PRR16: variants seen among roughly 807,000 people sequenced by gnomAD.
PRR16 encodes proline rich 16.
A neutral mutation model predicts 18.2 loss-of-function variants in PRR16; 6 were observed. The ratio of observed to expected loss-of-function variants is 0.33; its 90% CI spans 0.18 to 0.65. The LOEUF (loss-of-function observed/expected upper bound fraction) is 0.65. Ranked by LOEUF, PRR16 falls within the 30% of genes least tolerant of loss-of-function variation. The pLI is 0.74. For synonymous variants in PRR16, 151 were observed against 147.8 expected (o/e 1.02, Z -0.16); for missense variants, 412 against 376.6 (o/e 1.09, Z -0.78).
chr5:120,777,215 C>G, the PRR16 span, among the ~76,000 whole-genome samples: 2 of 151,946 alleles, frequency 1.3e-5, no homozygotes, highest in Admixed American at 1.3e-4. Context: ...TGAAAATAAC[C>G]AAATGAGTTT....
At chr5:120,655,614 G>A (rs943875525) in intron 1 of PRR16, among the ~76,000 whole-genome samples, 7 of 151,862 alleles carry the variant, frequency 4.6e-5, no homozygotes, top group East Asian at 1.9e-4. Flanking sequence ...GAAAACTCAC[G>A]GATATGGTCT....
chr5:120,746,878 T>C, the PRR16 span, among the ~76,000 whole-genome samples: 1 of 152,082 alleles, frequency 6.6e-6, no homozygotes, highest in Non-Finnish European at 1.5e-5. Context: ...TCATCGGGAG[T>C]CACAGGAGAA....
chr5:120,507,135 A>G (rs114670997), intron 1 of PRR16, among the ~76,000 whole-genome samples: 1 of 152,274 alleles, frequency 6.6e-6, no homozygotes, highest in African/African-American at 2.4e-5. Flanking sequence ...TTGAGAATAT[A>G]TCTAGAATCC....
At chr5:120,635,057 T>G (rs1420273120) in intron 1 of PRR16, among the ~76,000 whole-genome samples, 1 of 152,108 alleles carries the variant, frequency 6.6e-6, no homozygotes, top group Non-Finnish European at 1.5e-5. Context: ...CCCTCCTATA[T>G]TAAACCAGGA....
the PRR16 span, among the ~76,000 whole-genome samples, chr5:120,747,623 C>T: frequency 0.98 from 149,079 of 152,256 alleles, 73,067 homozygotes; most frequent in East Asian, 1. Flanking sequence ...TGAATGCCTG[C>T]AGATACATAA....
intron 1 of PRR16, among the ~76,000 whole-genome samples, chr5:120,635,943 A>G (rs896910280): frequency 6.6e-6 from 1 of 152,188 alleles, no homozygotes; most frequent in Non-Finnish European, 1.5e-5. Context: ...AAATAAATAT[A>G]CAAAAATTAG....
the PRR16 span, among the ~76,000 whole-genome samples, chr5:120,766,667 G>A: frequency 6.6e-6 from 1 of 151,800 alleles, no homozygotes; most frequent in Non-Finnish European, 1.5e-5. Context: ...CCTCAATATA[G>A]CACAAGACCG....
chr5:120,561,316 C>G (rs963115688), intron 1 of PRR16, among the ~76,000 whole-genome samples: 3 of 151,856 alleles, frequency 2.0e-5, no homozygotes, highest in Non-Finnish European at 1.5e-5. Context: ...TGTTATGTTT[C>G]CATTATCATT....
chr5:120,696,809 T>C, the PRR16 span, among the ~76,000 whole-genome samples: 1 of 152,178 alleles, frequency 6.6e-6, no homozygotes, highest in Non-Finnish European at 1.5e-5. Context: ...AAAATATGTG[T>C]GTGAAGTAAT....
At chr5:120,757,606 G>A in the PRR16 span, among the ~76,000 whole-genome samples, 34 of 151,882 alleles carry the variant, frequency 2.2e-4, no homozygotes, top group East Asian at 5.8e-4. Flanking sequence ...TTATTTTGTC[G>A]TTATTATATG....
chr5:120,660,372 G>A (rs1329818163), intron 1 of PRR16, among the ~76,000 whole-genome samples: 2 of 151,966 alleles, frequency 1.3e-5, no homozygotes, highest in Non-Finnish European at 2.9e-5. Flanking sequence ...TGCCCTTTAT[G>A]TTTATTTGCT....
intron 1 of PRR16, chr5:120,465,567 A>C (rs1278886908): frequency 6.6e-6 from 1 of 151,508 alleles, no homozygotes; most frequent in Non-Finnish European, 1.5e-5. Flanking sequence ...TGCGTAACTC[A>C]GGCGGCGGCT....
At chr5:120,645,310 GTT>G in intron 1 of PRR16, among the ~76,000 whole-genome samples, 1 of 151,682 alleles carries the variant, frequency 6.6e-6, no homozygotes, top group Non-Finnish European at 1.5e-5. Context: ...ATACATGAAA[GTT>G]TGGTTACACA....
At chr5:120,650,626 G>A (rs546422962) in intron 1 of PRR16, among the ~76,000 whole-genome samples, 3 of 152,072 alleles carry the variant, frequency 2.0e-5, no homozygotes, top group South Asian at 2.1e-4. Flanking sequence ...ATGATTTCCA[G>A]CTTCATCCAT....
Position 120,620,251 on chromosome 5 carries a change from T to C in PRR16, c.160-65703T>C, listed in dbSNP as rs1052645161. On this transcript the variant is annotated intron_variant, in intron 1 of 1. Coordinates refer to ENST00000407149, the MANE Select transcript of PRR16 (RefSeq NM_001300783.2). ...AATTTATTTATCACGAAGAGTGACC[T>C]TGAATATTATAACAGCAAAGAATTA... Among the ~76,000 whole-genome samples the C allele has an allele frequency of 2.3e-4, 35 of 152,138 alleles. 1 individual carries two copies. The highest frequency in any genetic ancestry group is 2.0e-3 in the Admixed American group (31 of 15,254).
intron 1 of PRR16, among the ~76,000 whole-genome samples, chr5:120,494,356 T>G (rs951489393): frequency 3.3e-5 from 5 of 152,014 alleles, no homozygotes; most frequent in African/African-American, 1.2e-4. Flanking sequence ...TTTATTTTTT[T>G]GTAGTGATGG....
At chr5:120,564,022 C>G (rs1332998036) in intron 1 of PRR16, among the ~76,000 whole-genome samples, 1 of 152,080 alleles carries the variant, frequency 6.6e-6, no homozygotes, top group Admixed American at 6.5e-5. Context: ...CCTTTTGGCC[C>G]AGGGTGTGTC....
chr5:120,755,533 G>C, the PRR16 span, among the ~76,000 whole-genome samples: 3 of 152,126 alleles, frequency 2.0e-5, no homozygotes, highest in Non-Finnish European at 4.4e-5. Context: ...ATCTCTAGCT[G>C]TGTCCATGTT....
rs1755507707 is a variant in PRR16 at position 120,643,956 on chromosome 5, G to T, written c.160-41998G>T. ...GGAGGTGGAGGTTGCAATGAGCTGA[G>T]ATCATGCCACTGTACTCCAGCCTGG... On this transcript the variant is annotated intron_variant, in intron 1 of 1. Transcript: ENST00000407149. 1.3e-5 allele frequency among the ~76,000 whole-genome samples: 2 copies of T among 152,116 alleles called. 1 individual carries two copies. Among genetic ancestry groups the T allele is most frequent in the South Asian group, 4.1e-4 (2 of 4,828 alleles).
Sources: allele counts gnomAD v4.1 joint callset (sites outside exome capture counted in the v4.1 genomes callset), GRCh38; gene constraint gnomAD v4.1.1; transcripts MANE v1.5; gene names NCBI Gene and HGNC (gene_info 2026-07-23, HGNC 2026-07-21).